The following EHBP1 variants were observed in gnomAD, a reference collection of about 807,000 sequenced individuals.
EHBP1 encodes the protein EH domain binding protein 1.
EHBP1 carries 55 observed loss-of-function variants against 144.0 expected under a neutral mutation model. The observed-to-expected ratio is 0.38, with a 90% CI of 0.31 to 0.48. EHBP1 has a LOEUF of 0.48. EHBP1 is among the 20% of genes least tolerant of loss of function. The pLI is 0.98. For missense variants in EHBP1, 1,200 were observed against 1,364.2 expected (o/e 0.88, Z 1.90); for synonymous variants, 469 against 472.7 (o/e 0.99, Z 0.10).
chr2:63,021,320 T>C (rs1239636648), intron 19 of EHBP1, among the ~76,000 whole-genome samples: 1 of 152,134 alleles, frequency 6.6e-6, no homozygotes, highest in Non-Finnish European at 1.5e-5. Flanking sequence ...TTTTTGTTGT[T>C]ATTGTGTTGT....
At chr2:62,720,490 T>A (rs1277377240) in intron 2 of EHBP1, among the ~76,000 whole-genome samples, 1 of 152,170 alleles carries the variant, frequency 6.6e-6, no homozygotes, top group Non-Finnish European at 1.5e-5. Context: ...TCTCTTTCCC[T>A]CTCCAAAATC....
At chr2:62,766,428 A>G (rs1034643580) in intron 4 of EHBP1, among the ~76,000 whole-genome samples, 5 of 152,196 alleles carry the variant, frequency 3.3e-5, no homozygotes, top group Admixed American at 3.3e-4. Flanking sequence ...TTTGAGAAAC[A>G]TGGGACCTGA....
intron 5 of EHBP1, among the ~76,000 whole-genome samples, chr2:62,772,736 C>T (rs2041766706): frequency 6.6e-6 from 1 of 152,224 alleles, no homozygotes; most frequent in African/African-American, 2.4e-5. Flanking sequence ...CATGACTGTT[C>T]ATCGTGATAA....
intron 5 of EHBP1, among the ~76,000 whole-genome samples, chr2:62,773,276 T>C (rs898651148): frequency 6.6e-6 from 1 of 152,198 alleles, no homozygotes; most frequent in Non-Finnish European, 1.5e-5. Context: ...TCAACTCCTG[T>C]ATAGTGAGAT....
chr2:62,801,950 A>G lies in EHBP1; in HGVS notation c.313-24137A>G, dbSNP rs1573425349. On this transcript the variant is annotated intron_variant, in intron 5 of 22. Transcript: ENST00000431489. ...GAATGTTAAATCGAAAGTGAAATCTAGGACTCTGCCTTTTAACAAATATCC... is the reference window on the plus strand; with the variant it reads ...GAATGTTAAATCGAAAGTGAAATCTGGGACTCTGCCTTTTAACAAATATCC... Among the ~76,000 whole-genome samples the G allele has an allele frequency of 3.9e-5, 6 of 152,364 alleles. 1 individual carries two copies. In the South Asian group the frequency reaches 1.2e-3, roughly 32 times the overall value.
chr2:63,016,093 TAAA>T (rs1450709746), intron 19 of EHBP1, among the ~76,000 whole-genome samples: 2 of 152,102 alleles, frequency 1.3e-5, no homozygotes, highest in East Asian at 3.9e-4. Flanking sequence ...TCTGTAATAA[TAAA>T]GAAACCAGAA....
chr2:63,022,845 A>G (rs1160259537), intron 19 of EHBP1, among the ~76,000 whole-genome samples: 1 of 152,232 alleles, frequency 6.6e-6, no homozygotes, highest in African/African-American at 2.4e-5. Context: ...AGTGTAAGTT[A>G]AAGAAAACCT....
intron 8 of EHBP1, among the ~76,000 whole-genome samples, chr2:62,863,837 G>GTTTTTTTTTTTTTTTTTTTT (rs1354945636): frequency 1.3e-5 from 1 of 74,576 alleles, no homozygotes; most frequent in African/African-American, 4.9e-5. Flanking sequence ...ATTTTTCTGT[G>GTTTTTTTTTTTTTTTTTTTT]TTGTTTTTTT....
At chr2:62,841,103 A>G (rs1450900895) in intron 7 of EHBP1, among the ~76,000 whole-genome samples, 3 of 152,198 alleles carry the variant, frequency 2.0e-5, no homozygotes, top group South Asian at 2.1e-4. Flanking sequence ...ATGTCCAACA[A>G]TGATAGACTG....
At chr2:62,868,188 A>C (rs1012001670) in intron 9 of EHBP1, among the ~76,000 whole-genome samples, 1 of 152,140 alleles carries the variant, frequency 6.6e-6, no homozygotes, top group African/African-American at 2.4e-5. Flanking sequence ...CAGCGTGGCC[A>C]ACATGGTGAA....
At chr2:62,867,366 A>G (rs1001725299) in intron 9 of EHBP1, among the ~76,000 whole-genome samples, 3 of 152,150 alleles carry the variant, frequency 2.0e-5, no homozygotes, top group African/African-American at 7.2e-5. Flanking sequence ...TACTAAAACT[A>G]AAAAGTAAAT....
intron 5 of EHBP1, among the ~76,000 whole-genome samples, chr2:62,813,529 G>A (rs186958622): frequency 6.6e-6 from 1 of 152,230 alleles, no homozygotes; most frequent in Non-Finnish European, 1.5e-5. Flanking sequence ...CCTGAGATAC[G>A]CCGAAACTGT....
intron 9 of EHBP1, among the ~76,000 whole-genome samples, chr2:62,870,699 G>A (rs545952567): frequency 9.9e-5 from 12 of 121,014 alleles, no homozygotes; most frequent in African/African-American, 3.8e-4. Flanking sequence ...CTGGGCAACA[G>A]AGCGAGACTG....
chr2:62,884,509 C>G (rs1288348143), intron 10 of EHBP1, among the ~76,000 whole-genome samples: 1 of 152,136 alleles, frequency 6.6e-6, no homozygotes, highest in African/African-American at 2.4e-5. Flanking sequence ...CAGGAAGGCT[C>G]CGGACCCCCT....
At chr2:62,996,283 GTTTGT>G (rs1179678847) in intron 18 of EHBP1, among the ~76,000 whole-genome samples, 1 of 151,988 alleles carries the variant, frequency 6.6e-6, no homozygotes, top group Non-Finnish European at 1.5e-5. Context: ...TGCCATTGGT[GTTTGT>G]TTTGATAATC....
intron 10 of EHBP1, among the ~76,000 whole-genome samples, chr2:62,927,246 A>G (rs1222485625): frequency 6.6e-6 from 1 of 152,166 alleles, no homozygotes; most frequent in East Asian, 1.9e-4. Context: ...GTTAAAGGAT[A>G]CAAAATTACA....
intron 12 of EHBP1, among the ~76,000 whole-genome samples, chr2:62,946,868 CCAG>C (rs2057102839): frequency 6.6e-6 from 1 of 152,096 alleles, no homozygotes; most frequent in Non-Finnish European, 1.5e-5. Context: ...AAGCAAAACA[CCAG>C]CAGGAGTTTC....
At chr2:63,020,537 A>C (rs1246868806) in intron 19 of EHBP1, among the ~76,000 whole-genome samples, 2 of 151,724 alleles carry the variant, frequency 1.3e-5, no homozygotes, top group African/African-American at 2.4e-5. Flanking sequence ...AAAGAAAAGA[A>C]AAGGCTGATA....
At chr2:63,032,939 G>T (rs2061323036) in intron 19 of EHBP1, among the ~76,000 whole-genome samples, 1 of 152,162 alleles carries the variant, frequency 6.6e-6, no homozygotes, top group African/African-American at 2.4e-5. Flanking sequence ...CTGAGCAAAT[G>T]GTTTTAAGAC....
Sources: gnomAD v4.1 joint callset for allele counts (sites outside exome capture counted in the v4.1 genomes callset) on GRCh38, gnomAD v4.1.1 for gene constraint, MANE v1.5 for transcripts, NCBI Gene and HGNC (gene_info 2026-07-23, HGNC 2026-07-21) for gene names.